Variants in ANGPT1 observed in about 807,000 individuals in gnomAD.
ANGPT1 encodes angiopoietin 1, also known as angiopoietin-1.
In ANGPT1, 17 loss-of-function variants were observed where a neutral mutation model predicts 62.2. That is an observed-to-expected ratio of 0.27 (90% CI 0.19 to 0.41). The LOEUF (loss-of-function observed/expected upper bound fraction) is 0.41, where lower values mean the gene tolerates loss of function less well. Among genes scored for constraint, ANGPT1 ranks in the 10% least tolerant of loss-of-function variants. ANGPT1 has a pLI of 1.00. For missense variants in ANGPT1, 478 were observed against 594.9 expected (o/e 0.80, Z 2.04); for synonymous variants, 199 against 198.9 (o/e 1.00, Z 0.00).
intron 1 of ANGPT1, among the ~76,000 whole-genome samples, chr8:107,365,851 A>G (rs1816260702): frequency 9.5e-6 from 1 of 104,754 alleles, no homozygotes; most frequent in Admixed American, 1.2e-4. Context: ...ACAAGAAACA[A>G]ATACAACACA....
chr8:107,396,464 A>G (rs1475905700), intron 1 of ANGPT1, among the ~76,000 whole-genome samples: 1 of 150,400 alleles, frequency 6.6e-6, no homozygotes, highest in African/African-American at 2.4e-5. Flanking sequence ...ATCAAACATA[A>G]CTAAAACCCG....
intron 1 of ANGPT1, among the ~76,000 whole-genome samples, chr8:107,484,019 T>C (rs576388490): frequency 3.0e-4 from 46 of 152,230 alleles, no homozygotes; most frequent in Non-Finnish European, 2.2e-4. Context: ...TTTATACACA[T>C]GTATGGTAAA....
chr8:107,333,804 G>C (rs1242704790), intron 3 of ANGPT1, among the ~76,000 whole-genome samples: 3 of 151,658 alleles, frequency 2.0e-5, no homozygotes, highest in Non-Finnish European at 4.4e-5. Context: ...ATTTCATAGT[G>C]AGAATTCTAT....
At chr8:107,351,493 CT>C (rs1815929974) in intron 1 of ANGPT1, among the ~76,000 whole-genome samples, 1 of 151,934 alleles carries the variant, frequency 6.6e-6, no homozygotes, top group Non-Finnish European at 1.5e-5. Flanking sequence ...GACTGGTTGG[CT>C]GGATGATTAG....
At chr8:107,445,628 C>T (rs923686671) in intron 1 of ANGPT1, among the ~76,000 whole-genome samples, 1 of 152,096 alleles carries the variant, frequency 6.6e-6, no homozygotes, top group African/African-American at 2.4e-5. Context: ...TTCCAATTAA[C>T]TTTTATCGGG....
At chr8:107,457,372 C>T (rs371744931) in intron 1 of ANGPT1, among the ~76,000 whole-genome samples, 5 of 151,994 alleles carry the variant, frequency 3.3e-5, no homozygotes, top group African/African-American at 1.2e-4. Flanking sequence ...CAAAAGTATC[C>T]TAAGGAATGA....
intron 3 of ANGPT1, among the ~76,000 whole-genome samples, chr8:107,323,465 G>A (rs563583043): frequency 2.2e-4 from 33 of 152,298 alleles, no homozygotes; most frequent in African/African-American, 7.7e-4. Context: ...TTATAAAATA[G>A]AGCATGTTTG....
chr8:107,364,429 C>T (rs554828360), intron 1 of ANGPT1, among the ~76,000 whole-genome samples: 25 of 152,092 alleles, frequency 1.6e-4, no homozygotes, highest in African/African-American at 4.8e-4. Context: ...TACAGGTGTG[C>T]GCCACGATGC....
chr8:107,291,875 C>G (rs1325614574), intron 6 of ANGPT1, among the ~76,000 whole-genome samples: 1 of 105,990 alleles, frequency 9.4e-6, no homozygotes, highest in African/African-American at 4.0e-5. Flanking sequence ...GATATACTTT[C>G]TATTTCCACT....
intron 1 of ANGPT1, among the ~76,000 whole-genome samples, chr8:107,360,707 A>C (rs1816143817): frequency 6.6e-6 from 1 of 152,168 alleles, no homozygotes; most frequent in Admixed American, 6.6e-5. Context: ...TTGAGTTGCC[A>C]TCATTAAGCG....
intron 1 of ANGPT1, among the ~76,000 whole-genome samples, chr8:107,409,017 T>G (rs2130350736): frequency 6.6e-6 from 1 of 152,176 alleles, no homozygotes; most frequent in African/African-American, 2.4e-5. Context: ...TATCAGTAGA[T>G]CCTCCTCAAA....
intron 1 of ANGPT1, among the ~76,000 whole-genome samples, chr8:107,435,783 T>C (rs1811317263): frequency 6.6e-6 from 1 of 152,216 alleles, no homozygotes; most frequent in Non-Finnish European, 1.5e-5. Flanking sequence ...CGATAGGCAC[T>C]GGAGATACAA....
intron 1 of ANGPT1, among the ~76,000 whole-genome samples, chr8:107,403,451 G>A (rs1015449262): frequency 6.6e-6 from 1 of 152,074 alleles, no homozygotes; most frequent in Admixed American, 6.6e-5. Flanking sequence ...AATTACACTG[G>A]CAATCAGTTG....
At chr8:107,378,834 G>A (rs1054270220) in intron 1 of ANGPT1, among the ~76,000 whole-genome samples, 5 of 152,010 alleles carry the variant, frequency 3.3e-5, no homozygotes, top group African/African-American at 1.2e-4. Flanking sequence ...ATGTGGAAAT[G>A]TGAGTCAATT....
chr8:107,355,738 C>G (rs1405921002), intron 1 of ANGPT1, among the ~76,000 whole-genome samples: 1 of 152,096 alleles, frequency 6.6e-6, no homozygotes, highest in Non-Finnish European at 1.5e-5. Context: ...TCTAGGAAGC[C>G]TCTCATCAAT....
At chr8:107,295,932 A>G (rs1814403649) in intron 5 of ANGPT1, among the ~76,000 whole-genome samples, 1 of 152,120 alleles carries the variant, frequency 6.6e-6, no homozygotes. Flanking sequence ...TGTAGGTATG[A>G]TGATCATCTC....
chr8:107,453,884 C>T (rs1172594827), intron 1 of ANGPT1, among the ~76,000 whole-genome samples: 1 of 151,374 alleles, frequency 6.6e-6, no homozygotes, highest in African/African-American at 2.4e-5. Flanking sequence ...TCTTGAAACG[C>T]CATTTATAGA....
intron 1 of ANGPT1, among the ~76,000 whole-genome samples, chr8:107,408,488 G>C (rs1563609448): frequency 1.4e-5 from 2 of 140,430 alleles, no homozygotes; most frequent in Non-Finnish European, 1.5e-5. Flanking sequence ...TCTTCGTGCT[G>C]AAAGTAGAAA....
intron 4 of ANGPT1, among the ~76,000 whole-genome samples, chr8:107,311,192 A>T (rs1814853230): frequency 6.6e-6 from 1 of 151,942 alleles, no homozygotes; most frequent in Non-Finnish European, 1.5e-5. Flanking sequence ...AAAGACAGAA[A>T]ATTTTAAAAA....
Sources: gnomAD v4.1 joint callset for allele counts (sites outside exome capture counted in the v4.1 genomes callset) on GRCh38, gnomAD v4.1.1 for gene constraint, MANE v1.5 for transcripts, NCBI Gene and HGNC (gene_info 2026-07-23, HGNC 2026-07-21) for gene names.